Variants in ADAMTSL3 observed in about 807,000 individuals in gnomAD.
ADAMTSL3 encodes the protein ADAMTS like 3.
Under a neutral mutation model 201.7 loss-of-function variants are expected in ADAMTSL3, and 128 were observed. The ratio of observed to expected loss-of-function variants is 0.63; its 90% CI spans 0.55 to 0.73. The LOEUF (loss-of-function observed/expected upper bound fraction) is 0.73, where lower values mean the gene tolerates loss of function less well. Ranked by LOEUF, ADAMTSL3 falls within the 30% of genes least tolerant of loss-of-function variation. The pLI is 0.00. For synonymous variants in ADAMTSL3, 738 were observed against 748.4 expected (o/e 0.99, Z 0.23); for missense variants, 1,990 against 2,119.6 (o/e 0.94, Z 1.20).
intron 23 of ADAMTSL3, among the ~76,000 whole-genome samples, chr15:84,001,000 G>C (rs2067782660): frequency 6.6e-6 from 1 of 152,174 alleles, no homozygotes; most frequent in African/African-American, 2.4e-5. Context: ...GAACCAATCT[G>C]TATTTCAAAA....
Position 83,982,889 on chromosome 15 carries a change from A to G in ADAMTSL3, c.3261A>G (p.Gly1087=), listed in dbSNP as rs750283787. The G allele has an allele frequency of 6.2e-7, 1 of 1,614,042 alleles. No individual in the cohort carries two copies. Among genetic ancestry groups the G allele is most frequent in the South Asian group, 1.1e-5 (1 of 91,074 alleles). The change falls in exon 21 of 30, where the codon GGA becomes GGG. Residue 1087 remains glycine (G), a synonymous_variant. Coordinates refer to ENST00000286744, the MANE Select transcript of ADAMTSL3 (RefSeq NM_207517.3). Reference sequence around the variant, plus strand: ...AGTTTGAAGCAGCAGTTAAACAAGGAGCATATAGCATGGATACAGCCCAGT... The same window carrying G: ...AGTTTGAAGCAGCAGTTAAACAAGGGGCATATAGCATGGATACAGCCCAGT... The part of the protein sequence containing the change: ...NKQFEAAVKQ[G]AYSMDTAQFD...
chr15:83,983,357 A>G lies in ADAMTSL3; in HGVS notation c.3716+13A>G, dbSNP rs375116006. The G allele has an allele frequency of 2.8e-5, 41 of 1,455,428 alleles. No individual in the cohort carries two copies. Among genetic ancestry groups the G allele is most frequent in the Non-Finnish European group, 3.5e-5 (38 of 1,096,946 alleles). 90.2% of individuals were successfully genotyped at this position (1,455,428 alleles called of 1,614,324 possible). A position where few individuals can be genotyped will look rare whatever the true frequency, so the allele number is the denominator to read the frequency against. ...AGCCCTCAGTAAAGTAAGTAAAATA[A>G]AAATGCAGTATTCATTTTTGCACTA... is the stretch of plus-strand genomic sequence containing the variant. On this transcript the variant is annotated intron_variant, in intron 21 of 29. Coordinates refer to ENST00000286744, the MANE Select transcript of ADAMTSL3 (RefSeq NM_207517.3).
chr15:83,826,548 A>G (rs943318830), intron 6 of ADAMTSL3, among the ~76,000 whole-genome samples: 4 of 151,794 alleles, frequency 2.6e-5, no homozygotes, highest in African/African-American at 9.7e-5. Flanking sequence ...TCTAGGGTAC[A>G]TGTGAACAAC....
At chr15:83,845,136 C>G (rs950186885) in intron 7 of ADAMTSL3, among the ~76,000 whole-genome samples, 1 of 152,230 alleles carries the variant, frequency 6.6e-6, no homozygotes, top group African/African-American at 2.4e-5. Context: ...GCACAAGTGT[C>G]GCCTCCTCAG....
At position 84,038,033 on chromosome 15, in the gene ADAMTSL3, T is replaced by C. The variant is rs952327669; in HGVS notation, c.*227T>C. On this transcript the variant is annotated 3_prime_UTR_variant, in exon 30 of 30. Transcript: ENST00000286744. ...ATGTATTCAAGGATGAACAAAATAC[T>C]ATAGCATGCATGCCACTGCACTTGG... 27 of 584,332 alleles carry C rather than the reference T, an allele frequency of 4.6e-5. No homozygotes were observed. The highest frequency in any genetic ancestry group is 4.0e-4 in the Admixed American group (11 of 27,460). The allele number at this position is 584,332 out of a possible 1,614,324, so 36.2% of individuals were successfully genotyped here. A position where few individuals can be genotyped will look rare whatever the true frequency, so the allele number is the denominator to read the frequency against.
At chr15:83,959,017 T>G (rs1261493415) in intron 19 of ADAMTSL3, among the ~76,000 whole-genome samples, 1 of 151,022 alleles carries the variant, frequency 6.6e-6, no homozygotes, top group Non-Finnish European at 1.5e-5. Flanking sequence ...GAATATAGAG[T>G]CCCAGGAAAA....
At chr15:83,996,707 G>A (rs887601025) in intron 23 of ADAMTSL3, among the ~76,000 whole-genome samples, 4 of 148,606 alleles carry the variant, frequency 2.7e-5, no homozygotes, top group Admixed American at 1.4e-4. Flanking sequence ...TGTGAACCCA[G>A]GAGGCGGAGG....
At chr15:83,824,582 A>G (rs1015823454) in intron 6 of ADAMTSL3, among the ~76,000 whole-genome samples, 20 of 152,316 alleles carry the variant, frequency 1.3e-4, no homozygotes, top group African/African-American at 4.8e-4. Context: ...CCACTATTAT[A>G]GTATAATGCA....
At chr15:83,952,621 C>T (rs903877363) in intron 19 of ADAMTSL3, among the ~76,000 whole-genome samples, 6 of 151,970 alleles carry the variant, frequency 3.9e-5, no homozygotes, top group African/African-American at 1.4e-4. Flanking sequence ...CTGAGTGCTC[C>T]AGTGTTTAGT....
chr15:83,903,547 T>C (rs1271930892), intron 15 of ADAMTSL3, among the ~76,000 whole-genome samples: 1 of 152,118 alleles, frequency 6.6e-6, no homozygotes. Context: ...ATATCCAAGT[T>C]TGGGAACCAC....
chr15:83,807,935 A>G (rs974108417), intron 5 of ADAMTSL3, among the ~76,000 whole-genome samples: 25 of 152,226 alleles, frequency 1.6e-4, no homozygotes, highest in African/African-American at 5.8e-4. Flanking sequence ...GGATATCTAT[A>G]TGCAGAAGAA....
chr15:83,901,939 G>A (rs2065732788), intron 15 of ADAMTSL3, among the ~76,000 whole-genome samples: 1 of 152,200 alleles, frequency 6.6e-6, no homozygotes, highest in Non-Finnish European at 1.5e-5. Context: ...ACAGTTAGAT[G>A]ATAGTTGATA....
intron 19 of ADAMTSL3, 24 bp from the exon 20 acceptor site, chr15:83,970,458 ACT>A (rs1178429187): frequency 6.2e-7 from 1 of 1,613,462 alleles, no homozygotes; most frequent in East Asian, 2.2e-5. Flanking sequence ...GCTCCATTTG[ACT>A]CTGTTGCACA....
chr15:83,742,229 C>T (rs1244281670), intron 3 of ADAMTSL3, among the ~76,000 whole-genome samples: 1 of 152,032 alleles, frequency 6.6e-6, no homozygotes, highest in Non-Finnish European at 1.5e-5. Context: ...CTCTCCTAAG[C>T]CAGCAGTATT....
intron 4 of ADAMTSL3, among the ~76,000 whole-genome samples, chr15:83,776,649 G>A (rs551619093): frequency 1.0e-3 from 159 of 152,244 alleles, no homozygotes; most frequent in Non-Finnish European, 1.9e-3. Flanking sequence ...CTCGGGAGGT[G>A]GAGGTTTCAG....
rs576809197 is a variant in ADAMTSL3 at position 84,038,043 on chromosome 15, A to T, written c.*237A>T. On this transcript the variant is annotated 3_prime_UTR_variant, in exon 30 of 30. Coordinates refer to ENST00000286744, the MANE Select transcript of ADAMTSL3 (RefSeq NM_207517.3). The stretch of plus-strand genomic sequence containing the variant: ...GGATGAACAAAATACTATAGCATGC[A>T]TGCCACTGCACTTGGGACCTCATCA... 94 of 523,532 alleles carry T rather than the reference A, an allele frequency of 1.8e-4. No individual in the cohort carries two copies. The highest frequency in any genetic ancestry group is 1.6e-3 in the Middle Eastern group (3 of 1,932). 32.4% of individuals were successfully genotyped at this position (523,532 alleles called of 1,614,324 possible).
At position 84,038,534 on chromosome 15, in the gene ADAMTSL3, C is replaced by T. The variant is rs942167617; in HGVS notation, c.*728C>T. 4 of 152,582 alleles carry T rather than the reference C, an allele frequency of 2.6e-5. No homozygotes were observed. Among genetic ancestry groups the T allele is most frequent in the Admixed American group, 1.3e-4 (2 of 15,272 alleles). The allele number at this position is 152,582 out of a possible 1,614,324, so 9.5% of individuals were successfully genotyped here. On this transcript the variant is annotated 3_prime_UTR_variant, in exon 30 of 30. Coordinates refer to ENST00000286744, the MANE Select transcript of ADAMTSL3 (RefSeq NM_207517.3). ...GAAAGTTAACCTTTTCTACTGATTT[C>T]GTAGTATATTCAGAGCTTTCTTTTA... is the stretch of plus-strand genomic sequence containing the variant.
At chr15:83,699,463 T>G (rs1261321218) in intron 2 of ADAMTSL3, among the ~76,000 whole-genome samples, 1 of 152,234 alleles carries the variant, frequency 6.6e-6, no homozygotes, top group Non-Finnish European at 1.5e-5. Flanking sequence ...CCTTCTCTAC[T>G]GCCATCATCC....
intron 6 of ADAMTSL3, chr15:83,824,891 A>G (rs1397590255): frequency 2.6e-5 from 4 of 152,170 alleles, no homozygotes; most frequent in African/African-American, 4.8e-5. Flanking sequence ...ACAAATTTGC[A>G]TGTCATCTTG....
Sources: gnomAD v4.1 joint callset for allele counts (sites outside exome capture counted in the v4.1 genomes callset) on GRCh38, gnomAD v4.1.1 for gene constraint, MANE v1.5 for transcripts, NCBI Gene and HGNC (gene_info 2026-07-23, HGNC 2026-07-21) for gene names.